Variants in SEPTIN3 observed in about 807,000 individuals in gnomAD.
SEPTIN3 encodes the protein neuronal-specific septin-3.
In SEPTIN3, 15 loss-of-function variants were observed where a neutral mutation model predicts 45.1. The observed-to-expected ratio is 0.33, with a 90% confidence interval of 0.22 to 0.51. SEPTIN3 has a LOEUF of 0.51. Among genes scored for constraint, SEPTIN3 ranks in the 20% least tolerant of loss-of-function variants. SEPTIN3 has a pLI of 0.97. For synonymous variants in SEPTIN3, 148 were observed against 164.8 expected (o/e 0.90, Z 0.78); for missense variants, 289 against 457.2 (o/e 0.63, Z 3.35).
chr22:41,971,522 A>G lies in SEPTIN3; in HGVS notation c.30A>G (p.Pro10=). The change falls in exon 2 of 12, where the codon CCA becomes CCG. Residue 10 remains proline, a synonymous_variant. Transcript: ENST00000644076. MDHNFAPAP[P]EMQSHGAPGP... is the part of the protein sequence containing the mutation. ...ACCACAACTTTGCTCCTGCTCCTCC[A>G]GAGATGCAGTCGCATGGAGCTCCAG... The G allele has an allele frequency of 2.5e-6, 1 of 399,202 alleles. No individual in the cohort carries two copies. The highest frequency in any genetic ancestry group is 4.4e-6 in the Non-Finnish European group (1 of 226,232). 24.7% of individuals were successfully genotyped at this position (399,202 alleles called of 1,614,324 possible). A position where few individuals can be genotyped will look rare whatever the true frequency, so the allele number is the denominator to read the frequency against.
intron 3 of SEPTIN3, among the ~76,000 whole-genome samples, chr22:41,982,621 G>A (rs1307573504): frequency 6.6e-6 from 1 of 151,908 alleles, no homozygotes; most frequent in Non-Finnish European, 1.5e-5. Flanking sequence ...GGGCATGGTG[G>A]CTCACGCCTG....
rs376963834 is a variant in SEPTIN3 at position 41,977,080 on chromosome 22, G to T, written c.1504+4084G>T. The T allele has an allele frequency of 1.6e-5, 25 of 1,598,440 alleles. No individual in the cohort carries two copies. In the African/African-American group the frequency reaches 3.1e-4, roughly 20 times the overall value. Reference sequence around the variant, plus strand: ...AGGAGGATTCATGTCCAAAGGTAGGGCGGCCGGCCAGGCCACCGGCACCCG... The same window carrying T: ...AGGAGGATTCATGTCCAAAGGTAGGTCGGCCGGCCAGGCCACCGGCACCCG... On this transcript the variant is annotated intron_variant, in intron 2 of 11. Transcript: ENST00000644076.
intron 11 of SEPTIN3, chr22:41,996,516 A>G: frequency 9.9e-7 from 1 of 1,009,714 alleles, no homozygotes. Flanking sequence ...ACCAGGAGAA[A>G]GGGGGGCGGT....
intron 2 of SEPTIN3, chr22:41,981,239 GCTA>G (rs1233648220): frequency 6.0e-6 from 1 of 167,416 alleles, no homozygotes; most frequent in East Asian, 1.7e-4. Flanking sequence ...AGCCTGGGGG[GCTA>G]CTAAGATCAG....
At chr22:41,987,468 G>A (rs181494442) in intron 5 of SEPTIN3, among the ~76,000 whole-genome samples, 154 bp from the exon 6 acceptor site, 7 of 152,176 alleles carry the variant, frequency 4.6e-5, no homozygotes, top group African/African-American at 1.2e-4. Context: ...GAAAGCCATC[G>A]GTGCGGGGGC....
At chr22:41,987,083 A>C in intron 4 of SEPTIN3, 123 bp from the exon 5 acceptor site, 1 of 649,898 alleles carries the variant, frequency 1.5e-6, no homozygotes. Flanking sequence ...AAGACCCTAA[A>C]TTTGACTTTT....
intron 11 of SEPTIN3, chr22:41,996,576 C>A: frequency 9.2e-7 from 1 of 1,092,556 alleles, no homozygotes; most frequent in Non-Finnish European, 1.1e-6. Context: ...TTCCTGGAGG[C>A]TGCCAACCCA....
At chr22:41,979,996 C>T (rs1395678280) in intron 2 of SEPTIN3, among the ~76,000 whole-genome samples, 7 of 152,164 alleles carry the variant, frequency 4.6e-5, no homozygotes, top group Non-Finnish European at 7.3e-5. Context: ...AGTCCAACAA[C>T]CATGCTTGTG....
chr22:41,984,592 G>C (rs1351848711), intron 3 of SEPTIN3, among the ~76,000 whole-genome samples: 1 of 152,200 alleles, frequency 6.6e-6, no homozygotes, highest in Non-Finnish European at 1.5e-5. Context: ...CTGGAGTACA[G>C]TTGCGTGATC....
chr22:41,987,467 C>T lies in SEPTIN3; in HGVS notation c.1908-155C>T, dbSNP rs568271775. Among the ~76,000 whole-genome samples, 8 of 152,274 alleles carry T rather than the reference C, an allele frequency of 5.3e-5. No homozygotes were observed. The East Asian group carries it at 9.6e-4, about 18-fold the overall frequency. ...CTAACTAACCATCCAGGAAAGCCAT[C>T]GGTGCGGGGGCTGAGGGGGAATCTG... On this transcript the variant is annotated intron_variant, in intron 5 of 11. Coordinates refer to ENST00000644076, the MANE Select transcript of SEPTIN3 (RefSeq NM_001363845.2).
Position 41,994,582 on chromosome 22 carries a change from C to G in SEPTIN3, c.2412-39C>G. The G allele has an allele frequency of 1.9e-6, 3 of 1,612,882 alleles. No homozygotes were observed. The South Asian group carries it at 3.3e-5, about 18-fold the overall frequency. On this transcript the variant is annotated intron_variant, in intron 10 of 11. Coordinates refer to ENST00000644076, the MANE Select transcript of SEPTIN3 (RefSeq NM_001363845.2). The surrounding 1 kb of genome is among the most constrained non-coding windows in gnomAD (Gnocchi z 4.2). Reference sequence around the variant, plus strand: ...GTGTCACCGCCTCCTCTTCCTGCCCCTAATTGCAGCCCTCTTCTTCTCACC... The same window carrying G: ...GTGTCACCGCCTCCTCTTCCTGCCCGTAATTGCAGCCCTCTTCTTCTCACC...
intron 2 of SEPTIN3, among the ~76,000 whole-genome samples, chr22:41,978,391 A>G: frequency 6.6e-6 from 1 of 152,208 alleles, no homozygotes; most frequent in East Asian, 1.9e-4. Flanking sequence ...TTTGTGCCAG[A>G]TAATTTACAT....
intron 4 of SEPTIN3, 112 bp downstream of exon 4, chr22:41,986,224 C>T: frequency 7.6e-7 from 1 of 1,322,228 alleles, no homozygotes; most frequent in South Asian, 1.4e-5. Context: ...AACCTTAAGA[C>T]AAAACAGACG....
intron 3 of SEPTIN3, 81 bp downstream of exon 3, chr22:41,981,917 AC>A: frequency 7.8e-7 from 1 of 1,275,216 alleles, no homozygotes. Context: ...AATGGCTGTG[AC>A]CCTGGCTCTT....
intron 4 of SEPTIN3, 54 bp downstream of exon 4, chr22:41,986,166 G>A: frequency 6.3e-7 from 1 of 1,595,832 alleles, no homozygotes; most frequent in South Asian, 1.1e-5. Flanking sequence ...GCCTCTGCTG[G>A]AAAGGGGAAA....
At chr22:41,986,831 C>G (rs1269072964) in intron 4 of SEPTIN3, among the ~76,000 whole-genome samples, 2 of 152,090 alleles carry the variant, frequency 1.3e-5, no homozygotes, top group African/African-American at 2.4e-5. Context: ...AAAAAATTAG[C>G]TGGGTATGAT....
Position 41,994,805 on chromosome 22 carries a change from C to T in SEPTIN3, c.2505+91C>T. On this transcript the variant is annotated intron_variant, in intron 11 of 11. Coordinates refer to ENST00000644076, the MANE Select transcript of SEPTIN3 (RefSeq NM_001363845.2). The surrounding 1 kb of genome is among the most constrained non-coding windows in gnomAD (Gnocchi z 4.2). ...ACATACCCACTTCACACACACACAT[C>T]CCAAATACCACCACCAACCACCTTC... is the stretch of plus-strand genomic sequence containing the variant. 1 of 1,610,072 alleles carries T rather than the reference C, an allele frequency of 6.2e-7. No individual in the cohort carries two copies. The highest frequency in any genetic ancestry group is 8.5e-7 in the Non-Finnish European group (1 of 1,178,340).
Position 41,994,754 on chromosome 22 carries a change from T to C in SEPTIN3, c.2505+40T>C. 6.2e-7 allele frequency: 1 copy of C among 1,614,004 alleles called. No individual in the cohort carries two copies. ...AGAGGAAAGCCACGACAGTAACCCA[T>C]GACGACCACTTCTCTGTGTCATCAC... On this transcript the variant is annotated intron_variant, in intron 11 of 11. Coordinates refer to ENST00000644076, the MANE Select transcript of SEPTIN3 (RefSeq NM_001363845.2). This position sits in a 1 kb window ranked among gnomAD's most constrained non-coding sequence, Gnocchi z 4.2.
At chr22:41,993,872 T>C (rs1295448497) in intron 9 of SEPTIN3, among the ~76,000 whole-genome samples, 1 of 152,206 alleles carries the variant, frequency 6.6e-6, no homozygotes, top group Non-Finnish European at 1.5e-5. Flanking sequence ...ATATGTTGAA[T>C]TGGATTTGTC....
Sources: gnomAD v4.1 joint callset for allele counts (sites outside exome capture counted in the v4.1 genomes callset) on GRCh38, gnomAD v4.1.1 for gene constraint, Gnocchi (gnomAD v3.1) non-coding constraint, MANE v1.5 for transcripts, NCBI Gene and HGNC (gene_info 2026-07-23, HGNC 2026-07-21) for gene names.